The following BCL2 variants were observed in gnomAD, a reference collection of about 807,000 sequenced individuals.
BCL2 encodes the protein apoptosis regulator Bcl-2.
In BCL2, 1 loss-of-function variant was observed where a neutral mutation model predicts 14.2. The observed-to-expected ratio is 0.07, with a 90% CI of 0.02 to 0.33. The LOEUF (loss-of-function observed/expected upper bound fraction) is 0.33. Ranked by LOEUF, BCL2 falls within the 10% of genes least tolerant of loss-of-function variation. The pLI is 0.99. For synonymous variants in BCL2, 151 were observed against 137.2 expected (o/e 1.10, Z -0.70); for missense variants, 247 against 305.9 (o/e 0.81, Z 1.44).
intron 2 of BCL2, among the ~76,000 whole-genome samples, chr18:63,287,020 T>A (rs964854206): frequency 4.6e-5 from 7 of 152,206 alleles, no homozygotes; most frequent in Non-Finnish European, 1.0e-4. Flanking sequence ...TCTGTAGACA[T>A]CTGTCCCTCT....
At chr18:63,213,071 G>C (rs898383442) in intron 2 of BCL2, among the ~76,000 whole-genome samples, 2 of 152,202 alleles carry the variant, frequency 1.3e-5, no homozygotes, top group African/African-American at 4.8e-5. Flanking sequence ...TAGGAGCAGA[G>C]GAGGACAGAG....
intron 2 of BCL2, among the ~76,000 whole-genome samples, chr18:63,266,604 A>ATCTCTCTCTCTCTCTCTCTCTCTC (rs36078664): frequency 7.1e-6 from 1 of 141,496 alleles, no homozygotes; most frequent in African/African-American, 2.7e-5. Flanking sequence ...TGGAACATAA[A>ATCTCTCTCTCTCTCTCTCTCTCTC]TCTCTCTCTC....
intron 2 of BCL2, among the ~76,000 whole-genome samples, chr18:63,237,079 C>G (rs1383991452): frequency 6.6e-6 from 1 of 152,188 alleles, no homozygotes; most frequent in Non-Finnish European, 1.5e-5. Context: ...AAATGCCTAG[C>G]AACAGTTCCT....
chr18:63,273,347 C>G (rs1215150653), intron 2 of BCL2, among the ~76,000 whole-genome samples: 5 of 152,274 alleles, frequency 3.3e-5, no homozygotes, highest in African/African-American at 1.2e-4. Flanking sequence ...TGAATCTCAG[C>G]GTAGAGATAT....
chr18:63,288,662 G>C (rs924230544), intron 2 of BCL2, among the ~76,000 whole-genome samples: 2 of 152,170 alleles, frequency 1.3e-5, no homozygotes, highest in Admixed American at 1.3e-4. Context: ...AAGAAGTAGA[G>C]TTTTCAACAC....
chr18:63,295,323 C>T (rs1392263227), intron 2 of BCL2, among the ~76,000 whole-genome samples: 1 of 152,068 alleles, frequency 6.6e-6, no homozygotes, highest in Non-Finnish European at 1.5e-5. Flanking sequence ...CAAAGAAATC[C>T]TAGACCCAAC....
At chr18:63,228,040 C>T (rs909522114) in intron 2 of BCL2, among the ~76,000 whole-genome samples, 1 of 152,176 alleles carries the variant, frequency 6.6e-6, no homozygotes, top group East Asian at 1.9e-4. Flanking sequence ...CTACAGATGG[C>T]CGCCTTCTTG....
rs1363756331 is a variant in BCL2 at position 63,302,507 on chromosome 18, TC to T, written c.585+15574del. Reference sequence around the variant, plus strand: ...CTTATGAAATACCACGAAGCTCTACTCTAAAAAGTCATAACATGTTGTGCCC... The same window carrying T: ...CTTATGAAATACCACGAAGCTCTACTTAAAAAGTCATAACATGTTGTGCCC... On this transcript the variant is annotated intron_variant, in intron 2 of 2. Transcript: ENST00000333681. 6.1e-6 allele frequency: 6 copies of T among 985,396 alleles called. No homozygotes were observed. In the African/African-American group the frequency reaches 1.0e-4, roughly 17 times the overall value. The allele number at this position is 985,396 out of a possible 1,614,324, so 61.0% of individuals were successfully genotyped here.
chr18:63,264,076 G>A (rs1178461821), intron 2 of BCL2, among the ~76,000 whole-genome samples: 2 of 152,114 alleles, frequency 1.3e-5, no homozygotes, highest in South Asian at 2.1e-4. Context: ...AGCCTGCTGC[G>A]AATCTTAAAT....
chr18:63,189,531 A>G (rs748176867), intron 2 of BCL2, among the ~76,000 whole-genome samples: 1 of 152,176 alleles, frequency 6.6e-6, no homozygotes, highest in African/African-American at 2.4e-5. Flanking sequence ...AACCAAACCA[A>G]TCACAGATAA....
At chr18:63,178,922 T>C (rs546675372) in intron 2 of BCL2, among the ~76,000 whole-genome samples, 3 of 145,912 alleles carry the variant, frequency 2.1e-5, no homozygotes, top group Admixed American at 2.0e-4. Flanking sequence ...AAAAAGTCAG[T>C]TGAAGTGAGT....
chr18:63,183,406 T>C (rs1221505432), intron 2 of BCL2, among the ~76,000 whole-genome samples: 3 of 152,124 alleles, frequency 2.0e-5, no homozygotes, highest in Admixed American at 2.0e-4. Flanking sequence ...TGAGCTATTA[T>C]GGCGAAGAGG....
intron 2 of BCL2, among the ~76,000 whole-genome samples, chr18:63,274,662 C>T (rs1305418465): frequency 6.6e-6 from 1 of 152,052 alleles, no homozygotes; most frequent in Non-Finnish European, 1.5e-5. Flanking sequence ...CCCTTCCCAC[C>T]CTTGTTTTTG....
intron 2 of BCL2, among the ~76,000 whole-genome samples, chr18:63,174,992 C>T (rs1915320683): frequency 6.6e-6 from 1 of 152,120 alleles, no homozygotes; most frequent in South Asian, 2.1e-4. Context: ...CCCACAAATC[C>T]AGGTTGAGGG....
chr18:63,277,327 C>A (rs1369043049), intron 2 of BCL2, among the ~76,000 whole-genome samples: 3 of 152,128 alleles, frequency 2.0e-5, no homozygotes, highest in African/African-American at 7.2e-5. Flanking sequence ...AAGAACAGTG[C>A]CTGAGACATA....
chr18:63,247,609 T>C (rs1488655355), intron 2 of BCL2, among the ~76,000 whole-genome samples: 1 of 152,180 alleles, frequency 6.6e-6, no homozygotes, highest in African/African-American at 2.4e-5. Flanking sequence ...TTTCTGGGCA[T>C]AGGTAGGCAG....
chr18:63,197,541 G>A (rs1166450322), intron 2 of BCL2, among the ~76,000 whole-genome samples: 2 of 151,956 alleles, frequency 1.3e-5, no homozygotes, highest in African/African-American at 4.8e-5. Flanking sequence ...CTCAGAGGAC[G>A]GTGTCTGTGA....
intron 2 of BCL2, among the ~76,000 whole-genome samples, chr18:63,155,375 G>A (rs776395262): frequency 3.9e-5 from 6 of 152,130 alleles, no homozygotes; most frequent in Non-Finnish European, 7.3e-5. Flanking sequence ...CAACAGTATC[G>A]GATGAGTCAC....
chr18:63,261,748 A>G (rs1911665594), intron 2 of BCL2, among the ~76,000 whole-genome samples: 1 of 152,060 alleles, frequency 6.6e-6, no homozygotes, highest in Non-Finnish European at 1.5e-5. Flanking sequence ...TTGCCTAAAG[A>G]GTAAAGCACA....
Sources: allele counts gnomAD v4.1 joint callset (sites outside exome capture counted in the v4.1 genomes callset), GRCh38; gene constraint gnomAD v4.1.1; transcripts MANE v1.5; gene names NCBI Gene and HGNC (gene_info 2026-07-23, HGNC 2026-07-21).